Variants in STARD13 observed in about 807,000 individuals in gnomAD.
The protein encoded by STARD13 is StAR related lipid transfer domain containing 13.
In STARD13, 62 loss-of-function variants were observed where a neutral mutation model predicts 106.4. The observed-to-expected ratio is 0.58, with a 90% CI of 0.48 to 0.72. The LOEUF (loss-of-function observed/expected upper bound fraction) is 0.72. Among genes scored for constraint, STARD13 ranks in the 30% least tolerant of loss-of-function variants. The probability of loss-of-function intolerance (pLI) is 0.00; values close to 1 mark genes in which losing one functional copy is unlikely to be tolerated. For synonymous variants in STARD13, 565 were observed against 553.0 expected (o/e 1.02, Z -0.31); for missense variants, 1,387 against 1,424.0 (o/e 0.97, Z 0.42).
chr13:33,194,772 A>G (rs1302442354), intron 1 of STARD13, among the ~76,000 whole-genome samples: 1 of 152,250 alleles, frequency 6.6e-6, no homozygotes, highest in Non-Finnish European at 1.5e-5. Context: ...TTAAAAAATC[A>G]GAAACGAACA....
chr13:33,505,089 G>A, the STARD13 span, among the ~76,000 whole-genome samples: 1 of 152,170 alleles, frequency 6.6e-6, no homozygotes, highest in South Asian at 2.1e-4. Context: ...CCCCGTGCTT[G>A]TTGCTCTTGT....
At chr13:33,332,608 T>C (rs1315801562) in intron 1 of STARD13, among the ~76,000 whole-genome samples, 1 of 152,148 alleles carries the variant, frequency 6.6e-6, no homozygotes, top group African/African-American at 2.4e-5. Flanking sequence ...CCTCCAGAAC[T>C]CTGAGAAATA....
chr13:33,542,414 C>G, the STARD13 span, among the ~76,000 whole-genome samples: 10 of 152,378 alleles, frequency 6.6e-5, no homozygotes, highest in Non-Finnish European at 4.4e-5. Flanking sequence ...GCCAGAAACC[C>G]AAACCCCGTG....
At chr13:33,294,603 T>G (rs942367531) in intron 1 of STARD13, among the ~76,000 whole-genome samples, 1 of 152,222 alleles carries the variant, frequency 6.6e-6, no homozygotes, top group Non-Finnish European at 1.5e-5. Flanking sequence ...TTAACAAATT[T>G]ACTATCTGGT....
At chr13:33,390,332 A>C in the STARD13 span, among the ~76,000 whole-genome samples, 19 of 152,254 alleles carry the variant, frequency 1.2e-4, no homozygotes, top group African/African-American at 4.6e-4. Context: ...ACATGGGTCA[A>C]TTGCCTTAGG....
At chr13:33,480,484 G>C in the STARD13 span, among the ~76,000 whole-genome samples, 1 of 152,052 alleles carries the variant, frequency 6.6e-6, no homozygotes, top group East Asian at 1.9e-4. Context: ...TTATCATTCT[G>C]AAACCCGTGT....
chr13:33,548,259 A>T, the STARD13 span, among the ~76,000 whole-genome samples: 1 of 152,224 alleles, frequency 6.6e-6, no homozygotes, highest in South Asian at 2.1e-4. Flanking sequence ...AAATGAGAAC[A>T]AGAGGACATG....
the STARD13 span, among the ~76,000 whole-genome samples, chr13:33,604,904 C>A: frequency 1.6e-4 from 25 of 151,894 alleles, 1 homozygote; most frequent in South Asian, 5.0e-3. Context: ...CCAGTCCAGA[C>A]AAAAATATAG....
At chr13:33,609,633 C>T in the STARD13 span, among the ~76,000 whole-genome samples, 2 of 151,438 alleles carry the variant, frequency 1.3e-5, no homozygotes, top group Admixed American at 1.3e-4. Flanking sequence ...GTGGCAGGAC[C>T]TCGGCTCACT....
At chr13:33,399,703 A>G in the STARD13 span, among the ~76,000 whole-genome samples, 2 of 141,354 alleles carry the variant, frequency 1.4e-5, no homozygotes, top group Non-Finnish European at 3.0e-5. Flanking sequence ...TCTGTCTCAA[A>G]AAAAAAAAAA....
chr13:33,130,231 G>T lies in STARD13; in HGVS notation c.446C>A (p.Thr149Asn), dbSNP rs374359097. The T allele has an allele frequency of 6.2e-7, 1 of 1,609,080 alleles. No individual in the cohort carries two copies. The highest frequency in any genetic ancestry group is 1.3e-5 in the African/African-American group (1 of 74,918). ...GTCCACACGAGACCACCTGCGACTG[G>T]TTCTTTGGAAAGTCCATTTGTTGCT... The part of the protein sequence containing the change: ...CISNKWTFQR[T>N]SRRWSRVDDL... The change falls in exon 5 of 14, where the codon ACC (threonine) becomes AAC (asparagine). Residue 149 changes from threonine (T) to asparagine (N), a missense_variant. By Grantham distance (65) the Thr-to-Asn change is moderately conservative. Transcript: ENST00000336934. This position sits in a 1 kb window ranked among gnomAD's most constrained non-coding sequence, Gnocchi z 4.1.
chr13:33,337,003 A>AAT (rs986476024), intron 1 of STARD13, among the ~76,000 whole-genome samples: 67 of 152,040 alleles, frequency 4.4e-4, no homozygotes, highest in African/African-American at 1.5e-3. Flanking sequence ...AAACAAAAGA[A>AAT]ATATATATAT....
At chr13:33,284,724 T>C (rs957914696) in intron 1 of STARD13, among the ~76,000 whole-genome samples, 6 of 147,746 alleles carry the variant, frequency 4.1e-5, no homozygotes, top group African/African-American at 1.5e-4. Context: ...GAGCATGTTT[T>C]AAATTTTTTT....
chr13:33,240,671 T>G lies in STARD13; in HGVS notation c.169+44799A>C, dbSNP rs9670929. Among the ~76,000 whole-genome samples the G allele has an allele frequency of 2.7e-3, 332 of 122,002 alleles. 1 individual carries two copies. Among genetic ancestry groups the G allele is most frequent in the Middle Eastern group, 3.8e-3 (1 of 264 alleles). The allele number at this position is 122,002 out of a possible 152,430, so 80.0% of individuals were successfully genotyped here. On this transcript the variant is annotated intron_variant, in intron 1 of 13. Coordinates refer to ENST00000336934, the MANE Select transcript of STARD13 (RefSeq NM_178006.4). Reference sequence around the variant, plus strand: ...TATCCTTAAGTATTTTATCCTTAAGTATCCTTAAGTTTATCCTTAAGTATT... The same window carrying G: ...TATCCTTAAGTATTTTATCCTTAAGGATCCTTAAGTTTATCCTTAAGTATT...
chr13:33,120,326 C>T (rs1254458280), intron 7 of STARD13, among the ~76,000 whole-genome samples: 1 of 152,198 alleles, frequency 6.6e-6, no homozygotes, highest in African/African-American at 2.4e-5. Flanking sequence ...ACACACACAT[C>T]CCAGAGATGC....
At chr13:33,218,085 T>C (rs1237487357) in intron 1 of STARD13, among the ~76,000 whole-genome samples, 1 of 152,192 alleles carries the variant, frequency 6.6e-6, no homozygotes, top group Non-Finnish European at 1.5e-5. Context: ...TGTCAAAAGT[T>C]ACACGGAAGT....
chr13:33,348,194 C>T (rs759609851), downstream of STARD13, among the ~76,000 whole-genome samples: 1 of 152,136 alleles, frequency 6.6e-6, no homozygotes, highest in African/African-American at 2.4e-5. Context: ...AACCTCATAC[C>T]GCTATTTTAA....
chr13:33,163,605 A>C (rs7328792), intron 3 of STARD13, among the ~76,000 whole-genome samples: 1 of 97,630 alleles, frequency 1.0e-5, no homozygotes, highest in Non-Finnish European at 2.0e-5. Flanking sequence ...AAAAAAAAAA[A>C]ATATATATAT....
intron 1 of STARD13, among the ~76,000 whole-genome samples, chr13:33,319,470 C>A (rs930352954): frequency 6.6e-6 from 1 of 152,102 alleles, no homozygotes; most frequent in African/African-American, 2.4e-5. Flanking sequence ...GATGGTTGCA[C>A]AAATTTGTGA....
Sources: allele counts gnomAD v4.1 joint callset (sites outside exome capture counted in the v4.1 genomes callset), GRCh38; gene constraint gnomAD v4.1.1; non-coding constraint Gnocchi (gnomAD v3.1); transcripts MANE v1.5; gene names NCBI Gene and HGNC (gene_info 2026-07-23, HGNC 2026-07-21).